FBXO25: variants seen among roughly 807,000 people sequenced by gnomAD.
FBXO25 encodes F-box only protein 25.
In FBXO25, 45 loss-of-function variants were observed where a neutral mutation model predicts 51.9. The ratio of observed to expected loss-of-function variants is 0.87; its 90% CI spans 0.68 to 1.11. The LOEUF (loss-of-function observed/expected upper bound fraction) is 1.11. Among genes scored for constraint, FBXO25 ranks in the 50% most tolerant of loss-of-function variants. FBXO25 has a pLI of 0.00. For missense variants in FBXO25, 507 were observed against 428.5 expected (o/e 1.18, Z -1.62); for synonymous variants, 199 against 151.0 (o/e 1.32, Z -2.33).
At chr8:417,374 C>A (rs1403499115) in intron 2 of FBXO25, among the ~76,000 whole-genome samples, 1 of 152,168 alleles carries the variant, frequency 6.6e-6, no homozygotes, top group African/African-American at 2.4e-5. Context: ...GGTTAACCCC[C>A]ATGGGAAATG....
At position 470,896 on chromosome 8, in the gene FBXO25, T is replaced by G. The variant is rs1800463672; in HGVS notation, c.*2092T>G. 6.6e-6 allele frequency: 1 copy of G among 152,354 alleles called. No individual in the cohort carries two copies. Among genetic ancestry groups the G allele is most frequent in the Non-Finnish European group, 1.5e-5 (1 of 68,032 alleles). The allele number at this position is 152,354 out of a possible 1,614,324, so 9.4% of individuals were successfully genotyped here. A position where few individuals can be genotyped will look rare whatever the true frequency, so the allele number is the denominator to read the frequency against. ...CTTAATGTGGTATTTGCCTGTTTTT[T>G]GGGGTGGATGTCAGTCTTTTTTCAT... On this transcript the variant is annotated 3_prime_UTR_variant, in exon 10 of 10. Coordinates refer to ENST00000350302, the MANE Select transcript of FBXO25 (RefSeq NM_183420.2).
chr8:423,564 C>T (rs1797286757), intron 2 of FBXO25, among the ~76,000 whole-genome samples: 3 of 152,114 alleles, frequency 2.0e-5, no homozygotes, highest in Admixed American at 2.0e-4. Context: ...TCTGTTCCTG[C>T]ATTAATTTGC....
chr8:436,280 A>C (rs1396713106), intron 5 of FBXO25, among the ~76,000 whole-genome samples: 9 of 152,294 alleles, frequency 5.9e-5, no homozygotes, highest in Non-Finnish European at 8.8e-5. Context: ...CCAAAGATTA[A>C]TTACTATGTG....
At position 475,125 on chromosome 8, in the gene FBXO25, A is replaced by ATTTTTATATATGGTGTGAGGTAGATCT. The variant is rs1554452485; in HGVS notation, c.*6322_*6348dup. 1 of 360,858 alleles carries ATTTTTATATATGGTGTGAGGTAGATCT rather than the reference A, an allele frequency of 2.8e-6. No individual in the cohort carries two copies. Among genetic ancestry groups the ATTTTTATATATGGTGTGAGGTAGATCT allele is most frequent in the Non-Finnish European group, 5.4e-6 (1 of 186,874 alleles). 22.4% of individuals were successfully genotyped at this position (360,858 alleles called of 1,614,324 possible). A position where few individuals can be genotyped will look rare whatever the true frequency, so the allele number is the denominator to read the frequency against. ...TAGTTTAGGCCTTTGATCTATTTTA[A>ATTTTTATATATGGTGTGAGGTAGATCT]TTTTTATATATGGTGTGAGGTAGAT... is the stretch of plus-strand genomic sequence containing the variant. On this transcript the variant is annotated 3_prime_UTR_variant, in exon 10 of 10. Transcript: ENST00000350302.
At chr8:408,350 T>G (rs1162713744) in intron 1 of FBXO25, among the ~76,000 whole-genome samples, 1 of 152,134 alleles carries the variant, frequency 6.6e-6, no homozygotes, top group Non-Finnish European at 1.5e-5. Flanking sequence ...TTAAAAAGCT[T>G]ATAATTTAAT....
intron 2 of FBXO25, among the ~76,000 whole-genome samples, chr8:427,262 C>A (rs1456401777): frequency 6.6e-6 from 1 of 151,854 alleles, no homozygotes; most frequent in African/African-American, 2.4e-5. Flanking sequence ...AGAGGTGCAG[C>A]CAAATTGATC....
chr8:426,539 G>A (rs1797492494), intron 2 of FBXO25, among the ~76,000 whole-genome samples: 1 of 152,136 alleles, frequency 6.6e-6, no homozygotes, highest in South Asian at 2.1e-4. Context: ...GTAAGATGGT[G>A]CAGGTAGGGA....
chr8:418,530 G>T (rs1259268610), intron 2 of FBXO25, among the ~76,000 whole-genome samples: 2 of 151,934 alleles, frequency 1.3e-5, no homozygotes, highest in South Asian at 4.2e-4. Context: ...AGTAGAAACA[G>T]GGTTTCACCA....
In FBXO25 at chr8:415,254, C is replaced by T. The variant is rs188567792; in HGVS notation, c.134+2041C>T. 9.2e-5 allele frequency among the ~76,000 whole-genome samples: 14 copies of T among 152,136 alleles called. No individual in the cohort carries two copies. The East Asian group carries it at 1.5e-3, about 17-fold the overall frequency. On this transcript the variant is annotated intron_variant, in intron 2 of 9. Coordinates refer to ENST00000350302, the MANE Select transcript of FBXO25 (RefSeq NM_183420.2). ...GTTAATTTTCTTTTTTGTGAACGTG[C>T]GTGAAAATAGGCCTTTAGTATCCTT...
At chr8:428,112 T>A (rs1212832494) in intron 2 of FBXO25, among the ~76,000 whole-genome samples, 1 of 152,244 alleles carries the variant, frequency 6.6e-6, no homozygotes, top group Non-Finnish European at 1.5e-5. Context: ...TGTTTACTTC[T>A]ACTTGGAGTT....
In FBXO25 at chr8:468,783, C is replaced by T; in HGVS notation, c.1056C>T (p.Phe352=). 6.2e-7 allele frequency: 1 copy of T among 1,614,072 alleles called. No individual in the cohort carries two copies. Among genetic ancestry groups the T allele is most frequent in the Non-Finnish European group, 8.5e-7 (1 of 1,180,020 alleles). ...SCFTPVSPQH[F]IDLFKF Reference sequence around the variant, plus strand: ...TCACGCCTGTGTCTCCGCAGCACTTCATCGACCTCTTCAAGTTTTAAGGGC... The same window carrying T: ...TCACGCCTGTGTCTCCGCAGCACTTTATCGACCTCTTCAAGTTTTAAGGGC... The change falls in exon 10 of 10, where the codon TTC becomes TTT. Residue 352 remains phenylalanine, a synonymous_variant. Transcript: ENST00000350302.
In FBXO25 at chr8:458,447, T is replaced by TG; in HGVS notation, c.742dup (p.Asp248GlyfsTer16). 1 of 1,614,212 alleles carries TG rather than the reference T, an allele frequency of 6.2e-7. No individual in the cohort carries two copies. Among genetic ancestry groups the TG allele is most frequent in the Non-Finnish European group, 8.5e-7 (1 of 1,180,036 alleles). ...CATCCTATACCGGTTCTCAGACGGA[T>TG]GGGACATCATCACCTTAGGCCAGGT... On this transcript the variant is annotated frameshift_variant, in exon 8 of 10. Coordinates refer to ENST00000350302, the MANE Select transcript of FBXO25 (RefSeq NM_183420.2). LOFTEE classifies it high-confidence loss of function.
chr8:436,736 A>G (rs1306608980), intron 5 of FBXO25, among the ~76,000 whole-genome samples: 5 of 152,224 alleles, frequency 3.3e-5, no homozygotes, highest in African/African-American at 1.2e-4. Flanking sequence ...AGTAGCCGGG[A>G]AAAACATCAG....
At chr8:415,113 C>A (rs1796717567) in intron 2 of FBXO25, among the ~76,000 whole-genome samples, 1 of 152,182 alleles carries the variant, frequency 6.6e-6, no homozygotes, top group South Asian at 2.1e-4. Flanking sequence ...CTCTTTCCCC[C>A]ACATGTCTTT....
chr8:463,957 T>A (rs1674613820), intron 9 of FBXO25, among the ~76,000 whole-genome samples: 1 of 148,142 alleles, frequency 6.8e-6, no homozygotes, highest in South Asian at 2.2e-4. Flanking sequence ...CCCAGCTAAT[T>A]CACTTCTTTT....
At chr8:434,436 C>T (rs1186353380) in intron 4 of FBXO25, among the ~76,000 whole-genome samples, 2 of 152,164 alleles carry the variant, frequency 1.3e-5, no homozygotes, top group African/African-American at 4.8e-5. Context: ...CCAGAGTTCC[C>T]AGGAAAATGT....
chr8:467,710 G>T (rs201708248), intron 9 of FBXO25: 2 of 1,613,470 alleles, frequency 1.2e-6, no homozygotes, highest in East Asian at 2.2e-5. Flanking sequence ...CTTTCTTCAT[G>T]ATCTCGAAGG....
At chr8:467,753 C>A in intron 9 of FBXO25, 1 of 1,613,944 alleles carries the variant, frequency 6.2e-7, no homozygotes, top group Non-Finnish European at 8.5e-7. Context: ...CAAGGTACTT[C>A]CCTGTCTTGC....
intron 7 of FBXO25, among the ~76,000 whole-genome samples, chr8:453,670 G>A (rs1163312897): frequency 6.6e-6 from 1 of 152,116 alleles, no homozygotes; most frequent in Non-Finnish European, 1.5e-5. Flanking sequence ...AGCAGATGGG[G>A]TTAGAACAGA....
Sources: allele counts gnomAD v4.1 joint callset (sites outside exome capture counted in the v4.1 genomes callset), GRCh38; gene constraint gnomAD v4.1.1; transcripts MANE v1.5; gene names NCBI Gene and HGNC (gene_info 2026-07-23, HGNC 2026-07-21).